PDE1C: variants seen among roughly 807,000 people sequenced by gnomAD.
PDE1C encodes the protein phosphodiesterase 1C.
In PDE1C, 62 loss-of-function variants were observed where a neutral mutation model predicts 93.1. That is an observed-to-expected ratio of 0.67 (90% CI 0.54 to 0.82). The LOEUF is 0.82. Ranked by LOEUF, PDE1C falls within the 40% of genes least tolerant of loss-of-function variation. The pLI, the probability that PDE1C is intolerant of heterozygous loss-of-function variation, is 0.00. For synonymous variants in PDE1C, 325 were observed against 310.1 expected, an observed-to-expected ratio of 1.05 and a Z score of -0.50; for missense variants, 742 against 884.6, an observed-to-expected ratio of 0.84 and a Z score of 2.04.
At chr7:31,748,363 CATA>C (rs1218065885), downstream of PDE1C, among the ~76,000 whole-genome samples, 1 of 152,144 alleles carries the variant, frequency 6.6e-6, no homozygotes, top group African/African-American at 2.4e-5. Context: ...GCATTGTCTC[CATA>C]ATGACTGATA....
intron 2 of PDE1C, among the ~76,000 whole-genome samples, chr7:32,025,177 G>A (rs1789250060): frequency 6.6e-6 from 1 of 152,132 alleles, no homozygotes; most frequent in Non-Finnish European, 1.5e-5. Flanking sequence ...CCTCTTTTCA[G>A]AAGATGCTTC....
At chr7:31,929,768 T>C (rs1803930839) in intron 2 of PDE1C, among the ~76,000 whole-genome samples, 1 of 152,192 alleles carries the variant, frequency 6.6e-6, no homozygotes, top group South Asian at 2.1e-4. Context: ...TCAGAATCTC[T>C]GGCACACGGC....
chr7:31,906,375 T>A (rs936531876), intron 2 of PDE1C, among the ~76,000 whole-genome samples: 2 of 152,214 alleles, frequency 1.3e-5, no homozygotes, highest in African/African-American at 4.8e-5. Context: ...GCATGTTAAC[T>A]TTTTGTATTA....
At chr7:31,967,637 G>C (rs1810231881) in intron 2 of PDE1C, among the ~76,000 whole-genome samples, 1 of 152,130 alleles carries the variant, frequency 6.6e-6, no homozygotes, top group South Asian at 2.1e-4. Context: ...TGATACCAAA[G>C]CCTGGCAGAG....
rs1484265217 is a variant in PDE1C at position 32,225,020 on chromosome 7, TTTA to T, written c.86-15484_86-15482del. ...GGACCTTCAGGAATCACCTTTCTTATTTAAAAAAAAAAAAAAGACTATTAAAAT... is the reference window on the plus strand; with the variant it reads ...GGACCTTCAGGAATCACCTTTCTTATAAAAAAAAAAAAAGACTATTAAAAT... On this transcript the variant is annotated intron_variant, in intron 1 of 18. Coordinates refer to the PDE1C transcript ENST00000396193. 3.9e-4 allele frequency among the ~76,000 whole-genome samples: 52 copies of T among 131,914 alleles called. 1 individual carries two copies. The highest frequency in any genetic ancestry group is 1.8e-3 in the East Asian group (7 of 3,970). The allele number at this position is 131,914 out of a possible 152,430, so 86.5% of individuals were successfully genotyped here. A position where few individuals can be genotyped will look rare whatever the true frequency, so the allele number is the denominator to read the frequency against.
chr7:31,831,496 ACG>A (rs1467199037), intron 11 of PDE1C, among the ~76,000 whole-genome samples: 8 of 45,186 alleles, frequency 1.8e-4, no homozygotes, highest in Admixed American at 4.5e-4. Flanking sequence ...ACACACATGC[ACG>A]CACACACACA....
intron 3 of PDE1C, among the ~76,000 whole-genome samples, chr7:32,152,192 G>A (rs1409274797): frequency 6.6e-6 from 1 of 152,138 alleles, no homozygotes; most frequent in African/African-American, 2.4e-5. Flanking sequence ...GAGTGGAGTG[G>A]AAAGCACAAA....
intron 2 of PDE1C, among the ~76,000 whole-genome samples, chr7:32,002,369 G>A (rs538591596): frequency 3.3e-5 from 5 of 152,218 alleles, no homozygotes; most frequent in South Asian, 2.1e-4. Context: ...TGGAGCTGGC[G>A]GGCTGATGGC....
At chr7:32,085,465 T>G (rs1472118430) in intron 3 of PDE1C, among the ~76,000 whole-genome samples, 4 of 148,874 alleles carry the variant, frequency 2.7e-5, no homozygotes, top group Non-Finnish European at 4.4e-5. Flanking sequence ...ACTATTCCAA[T>G]CAATAGAAAA....
At chr7:31,888,324 T>C (rs1359929536) in intron 2 of PDE1C, among the ~76,000 whole-genome samples, 1 of 150,292 alleles carries the variant, frequency 6.7e-6, no homozygotes, top group East Asian at 1.9e-4. Flanking sequence ...CTCAAGAAGT[T>C]AGAAGAACAA....
intron 1 of PDE1C, among the ~76,000 whole-genome samples, chr7:32,068,769 A>G (rs1426843440): frequency 6.6e-6 from 1 of 152,206 alleles, no homozygotes; most frequent in East Asian, 1.9e-4. Flanking sequence ...GCAGTCCAAG[A>G]GAAGAAGTTC....
At position 31,834,968 on chromosome 7, in the gene PDE1C, C is replaced by T. The variant is rs148153560; in HGVS notation, c.1203+2212G>A. ...GAACCTGGTGAGAGATAACTGAATCCTGGGTGCGGTTTCCCCCATACTGTT... is the reference window on the plus strand; with the variant it reads ...GAACCTGGTGAGAGATAACTGAATCTTGGGTGCGGTTTCCCCCATACTGTT... On this transcript the variant is annotated intron_variant, in intron 11 of 17. Transcript: ENST00000396191. Among the ~76,000 whole-genome samples, 868 of 152,136 alleles carry T rather than the reference C, an allele frequency of 5.7e-3. 27 individuals are homozygous for T. The highest frequency in any genetic ancestry group is 0.043 in the East Asian group (220 of 5,154).
At chr7:31,735,801 G>C in the PDE1C span, among the ~76,000 whole-genome samples, 2 of 152,186 alleles carry the variant, frequency 1.3e-5, no homozygotes, top group South Asian at 4.1e-4. Context: ...AATTGCAGAA[G>C]TGGCGAAATT....
chr7:31,835,298 C>T (rs919581165), intron 11 of PDE1C, among the ~76,000 whole-genome samples: 1 of 152,018 alleles, frequency 6.6e-6, no homozygotes, highest in Non-Finnish European at 1.5e-5. Flanking sequence ...TGGAGAACAT[C>T]CTCCTACTAC....
At position 32,412,830 on chromosome 7, in the gene PDE1C, C is replaced by A. The variant is rs80239266; in HGVS notation, c.310+14992G>T. Among the ~76,000 whole-genome samples the A allele has an allele frequency of 2.7e-3, 408 of 152,218 alleles. 3 individuals carry two copies. The highest frequency in any genetic ancestry group is 9.0e-3 in the African/African-American group (375 of 41,516). On this transcript the variant is annotated intron_variant, in intron 1 of 1. Transcript: ENST00000672256. ...CAGAAACATGCAGCATCATAGAAAGCTTGCACAATAGCATTTGTGCTGTAT... is the reference window on the plus strand; with the variant it reads ...CAGAAACATGCAGCATCATAGAAAGATTGCACAATAGCATTTGTGCTGTAT...
At chr7:31,702,357 G>T in the PDE1C span, among the ~76,000 whole-genome samples, 4 of 152,112 alleles carry the variant, frequency 2.6e-5, no homozygotes, top group Admixed American at 6.5e-5. Context: ...ATGGAGAAAT[G>T]GTCCAAGGAC....
intron 2 of PDE1C, among the ~76,000 whole-genome samples, chr7:32,027,490 A>G (rs74639802): frequency 0.021 from 3,204 of 151,896 alleles, 127 homozygotes; most frequent in African/African-American, 0.073. Context: ...AGCATTCTAG[A>G]AGAATGCTAA....
chr7:31,932,339 A>G (rs1804426265), intron 2 of PDE1C, among the ~76,000 whole-genome samples: 1 of 152,180 alleles, frequency 6.6e-6, no homozygotes, highest in African/African-American at 2.4e-5. Flanking sequence ...TCTAATATCC[A>G]GAATCTACAA....
chr7:31,622,483 T>A, the PDE1C span, among the ~76,000 whole-genome samples: 1 of 149,760 alleles, frequency 6.7e-6, no homozygotes, highest in African/African-American at 2.4e-5. Context: ...ACATGGAAAC[T>A]GAACAACCTA....
Sources: allele counts gnomAD v4.1 joint callset (sites outside exome capture counted in the v4.1 genomes callset), GRCh38; gene constraint gnomAD v4.1.1; transcripts MANE v1.5; gene names NCBI Gene and HGNC (gene_info 2026-07-23, HGNC 2026-07-21).